GPX3: variants seen among roughly 807,000 people sequenced by gnomAD.
GPX3 encodes glutathione peroxidase 3.
GPX3 carries 22 observed loss-of-function variants against 25.1 expected under a neutral mutation model. The observed-to-expected ratio is 0.88, with a 90% CI of 0.63 to 1.25. The LOEUF (loss-of-function observed/expected upper bound fraction) is 1.25, where lower values mean the gene tolerates loss of function less well. Among genes scored for constraint, GPX3 ranks in the 50% most tolerant of loss-of-function variants. GPX3 has a pLI of 0.00. For missense variants in GPX3, 278 were observed against 286.6 expected (o/e 0.97, Z 0.22); for synonymous variants, 110 against 114.5 (o/e 0.96, Z 0.25).
intron 1 of GPX3, among the ~76,000 whole-genome samples, chr5:151,022,357 C>G (rs894762541): frequency 6.6e-6 from 1 of 152,194 alleles, no homozygotes; most frequent in Admixed American, 6.5e-5. Flanking sequence ...TAAATGGACT[C>G]AGAGAGAATA....
At chr5:151,022,231 G>A (rs1756487462) in intron 1 of GPX3, among the ~76,000 whole-genome samples, 1 of 152,202 alleles carries the variant, frequency 6.6e-6, no homozygotes, top group Admixed American at 6.5e-5. Flanking sequence ...CTTCAGTTTT[G>A]GAAAGGTCAA....
chr5:151,025,106 A>C (rs1457143672), intron 1 of GPX3, among the ~76,000 whole-genome samples: 1 of 152,192 alleles, frequency 6.6e-6, no homozygotes, highest in Non-Finnish European at 1.5e-5. Context: ...GCTTAATATT[A>C]ATAAGTGCTT....
chr5:151,025,927 G>A (rs1756540824), intron 2 of GPX3, among the ~76,000 whole-genome samples: 1 of 152,202 alleles, frequency 6.6e-6, no homozygotes, highest in South Asian at 2.1e-4. Context: ...TATGCGTGGT[G>A]TAGCGGGATG....
intron 1 of GPX3, among the ~76,000 whole-genome samples, chr5:151,022,557 G>C (rs1177393164): frequency 6.6e-6 from 1 of 152,206 alleles, no homozygotes; most frequent in East Asian, 1.9e-4. Flanking sequence ...TAAAGAGATA[G>C]GGTTATGGGG....
intron 3 of GPX3, 73 bp downstream of exon 3, chr5:151,027,090 G>T: frequency 1.0e-6 from 1 of 990,438 alleles, no homozygotes; most frequent in South Asian, 1.4e-5. Flanking sequence ...CCCAAATCAT[G>T]GTGGACATTT....
chr5:151,022,698 C>T (rs1314775456), intron 1 of GPX3, among the ~76,000 whole-genome samples: 2 of 152,212 alleles, frequency 1.3e-5, no homozygotes, highest in Non-Finnish European at 2.9e-5. Flanking sequence ...CCCAGTCCAA[C>T]TTCAGGCTGC....
intron 2 of GPX3, chr5:151,026,463 G>T: frequency 6.4e-6 from 1 of 156,706 alleles, no homozygotes; most frequent in East Asian, 1.9e-4. Flanking sequence ...AAACTGGGGA[G>T]CTGGGCCAGG....
chr5:151,021,227 G>C (rs555672046), intron 1 of GPX3: 251 of 213,832 alleles, frequency 1.2e-3, no homozygotes, highest in Middle Eastern at 3.6e-3. Context: ...TGCTGTGGGG[G>C]GCTCTTCTAC....
chr5:151,027,907 A>G lies in GPX3; in HGVS notation c.460-2A>G, dbSNP rs750182118. 1.9e-6 allele frequency: 3 copies of G among 1,613,610 alleles called. No individual in the cohort carries two copies. The highest frequency in any genetic ancestry group is 1.1e-5 in the South Asian group (1 of 91,068). On this transcript the variant is annotated splice_acceptor_variant, in intron 4 of 4. Coordinates refer to ENST00000388825, the MANE Select transcript of GPX3 (RefSeq NM_002084.5). LOFTEE classifies it high-confidence loss of function. ...TTGACACTCCTCTTATCCCTGCTCT[A>G]GAACTCCTGTCCTCCCACCTCGGAG...
At chr5:151,027,163 A>G in intron 3 of GPX3, 146 bp downstream of exon 3, 1 of 668,460 alleles carries the variant, frequency 1.5e-6, no homozygotes, top group East Asian at 2.7e-5. Flanking sequence ...AAGGGAAGGG[A>G]CAAGAGAGGG....
At chr5:151,025,565 G>GA in intron 2 of GPX3, 72 bp downstream of exon 2, 1 of 1,322,746 alleles carries the variant, frequency 7.6e-7, no homozygotes, top group Non-Finnish European at 1.0e-6. Flanking sequence ...AGCTTTTCTG[G>GA]TGCATGGGGG....
chr5:151,025,573 G>A, intron 2 of GPX3, 80 bp downstream of exon 2: 1 of 1,267,118 alleles, frequency 7.9e-7, no homozygotes, highest in South Asian at 1.5e-5. Context: ...TGGTGCATGG[G>A]GGAAAGGGTG....
chr5:151,023,983 C>T lies in GPX3; in HGVS notation c.88-1357C>T, dbSNP rs867959535. The stretch of plus-strand genomic sequence containing the variant: ...GCTCTTCTGCACTCTACTGGGGCCA[C>T]GCCCTGCCAGCATATATCACTCCCT... On this transcript the variant is annotated intron_variant, in intron 1 of 4. Coordinates refer to ENST00000388825, the MANE Select transcript of GPX3 (RefSeq NM_002084.5). Among the ~76,000 whole-genome samples, 9 of 152,326 alleles carry T rather than the reference C, an allele frequency of 5.9e-5. 1 individual carries two copies. The highest frequency in any genetic ancestry group is 4.1e-4 in the South Asian group (2 of 4,830).
In GPX3 at chr5:151,028,154, C is replaced by T; in HGVS notation, c.*24C>T. ...AACTGAAGGCCGTCTCATCCCATGT[C>T]CACCATGTAGGGGAGGGACTTTGTT... On this transcript the variant is annotated 3_prime_UTR_variant, in exon 5 of 5. Transcript: ENST00000388825. 6.5e-7 allele frequency: 1 copy of T among 1,541,720 alleles called. No homozygotes were observed. Among genetic ancestry groups the T allele is most frequent in the Non-Finnish European group, 8.8e-7 (1 of 1,137,008 alleles).
In GPX3 at chr5:151,026,897, C is replaced by A; in HGVS notation, c.242-3C>A. ...CCACATCTGCTCTTTCTCTTTGGCCCAGAACTGAATGCACTACAGGAAGAG... is the reference window on the plus strand; with the variant it reads ...CCACATCTGCTCTTTCTCTTTGGCCAAGAACTGAATGCACTACAGGAAGAG... On this transcript the variant is annotated splice_polypyrimidine_tract_variant and splice_region_variant and intron_variant, in intron 2 of 4. Coordinates refer to ENST00000388825, the MANE Select transcript of GPX3 (RefSeq NM_002084.5). 1 of 1,608,818 alleles carries A rather than the reference C, an allele frequency of 6.2e-7. No homozygotes were observed. The highest frequency in any genetic ancestry group is 8.5e-7 in the Non-Finnish European group (1 of 1,175,650).
intron 4 of GPX3, 151 bp from the exon 5 acceptor site, chr5:151,027,758 A>G: frequency 2.7e-6 from 2 of 753,862 alleles, no homozygotes; most frequent in Non-Finnish European, 4.7e-6. Flanking sequence ...GGGTCTCACA[A>G]TCTTCTAGAG....
Position 151,027,442 on chromosome 5 carries a change from C to T in GPX3, c.370C>T (p.Pro124Ser), listed in dbSNP as rs767581466. The T allele has an allele frequency of 5.6e-6, 9 of 1,612,166 alleles. No homozygotes were observed. The highest frequency in any genetic ancestry group is 6.8e-6 in the Non-Finnish European group (8 of 1,178,312). ...EILPTLKYVRPGGGFVPNFQL... is the reference protein window; with the variant it reads ...EILPTLKYVRSGGGFVPNFQL... ...AACATTTCTCAACAGGTATGTCCGA[C>T]CAGGTGGAGGCTTTGTCCCTAATTT... Residue 124 changes from proline (P) to serine (S), a missense_variant, in exon 4 of 5, where the codon CCA (proline) becomes TCA (serine). Transcript: ENST00000388825.
intron 3 of GPX3, 42 bp downstream of exon 3, chr5:151,027,059 G>A (rs748093396): frequency 7.7e-7 from 1 of 1,298,616 alleles, no homozygotes; most frequent in Admixed American, 1.8e-5. Context: ...CCTCTCACAT[G>A]GCCCACATCT....
At chr5:151,027,836 C>T in intron 4 of GPX3, 73 bp from the exon 5 acceptor site, 1 of 1,263,242 alleles carries the variant, frequency 7.9e-7, no homozygotes, top group African/African-American at 1.5e-5. Context: ...AGGCTATTCC[C>T]CAGGAAGGCC....
Sources: allele counts gnomAD v4.1 joint callset (sites outside exome capture counted in the v4.1 genomes callset), GRCh38; gene constraint gnomAD v4.1.1; transcripts MANE v1.5; gene names NCBI Gene and HGNC (gene_info 2026-07-23, HGNC 2026-07-21).